The following ENAH variants were observed in gnomAD, a reference collection of about 807,000 sequenced individuals.
ENAH encodes the protein ENAH actin regulator.
In ENAH, 23 loss-of-function variants were observed where a neutral mutation model predicts 78.7. The ratio of observed to expected loss-of-function variants is 0.29; its 90% confidence interval spans 0.21 to 0.41. The LOEUF (loss-of-function observed/expected upper bound fraction) is 0.41. ENAH is among the 10% of genes least tolerant of loss of function. The pLI is 1.00. For missense variants in ENAH, 544 were observed against 691.0 expected (o/e 0.79, Z 2.39); for synonymous variants, 226 against 241.0 (o/e 0.94, Z 0.58).
At chr1:225,508,054 A>C in intron 10 of ENAH, 37 bp from the exon 11 acceptor site, 1 of 1,330,070 alleles carries the variant, frequency 7.5e-7, no homozygotes, top group East Asian at 2.4e-5. Context: ...TAAATAAATA[A>C]ATGCTTCCAG....
intron 4 of ENAH, 104 bp from the exon 5 acceptor site, chr1:225,519,669 A>C: frequency 6.8e-7 from 1 of 1,479,848 alleles, no homozygotes; most frequent in South Asian, 1.4e-5. Flanking sequence ...AAATAAAAGC[A>C]ATGTAGAGCA....
chr1:225,510,224 A>T (rs545344893), intron 10 of ENAH, among the ~76,000 whole-genome samples: 47 of 152,162 alleles, frequency 3.1e-4, no homozygotes, highest in Non-Finnish European at 6.3e-4. Context: ...CCTGTGCCTT[A>T]GTTTTTCATA....
intron 3 of ENAH, among the ~76,000 whole-genome samples, chr1:225,543,582 C>T (rs557514085): frequency 3.9e-5 from 6 of 152,300 alleles, no homozygotes; most frequent in Non-Finnish European, 7.4e-5. Context: ...ATTCATGTTA[C>T]TTACACTGCC....
At chr1:225,555,951 G>A (rs1349182951) in intron 2 of ENAH, among the ~76,000 whole-genome samples, 1 of 152,040 alleles carries the variant, frequency 6.6e-6, no homozygotes, top group African/African-American at 2.4e-5. Flanking sequence ...TAGGTTTTTG[G>A]ATTTTATATA....
At chr1:225,643,372 T>G (rs927227102) in intron 1 of ENAH, among the ~76,000 whole-genome samples, 1 of 150,686 alleles carries the variant, frequency 6.6e-6, no homozygotes, top group Non-Finnish European at 1.5e-5. Flanking sequence ...ATAGACTGGA[T>G]ACAGAAAGGT....
In ENAH at chr1:225,494,953, A is replaced by G. The variant is rs2096242388; in HGVS notation, c.*2822T>C. On this transcript the variant is annotated 3_prime_UTR_variant, in exon 14 of 14. Transcript: ENST00000366843. ...CTAAAAAGGAAGTACACCTAAAAGC[A>G]TGAGAATTCAACATTCATTAGTGTT... is the stretch of plus-strand genomic sequence containing the variant. The G allele has an allele frequency of 6.6e-6, 1 of 152,670 alleles. No homozygotes were observed. Among genetic ancestry groups the G allele is most frequent in the Non-Finnish European group, 1.5e-5 (1 of 68,034 alleles). The allele number at this position is 152,670 out of a possible 1,614,324, so 9.5% of individuals were successfully genotyped here.
chr1:225,498,830 GTATGGAGA>G (rs1299319897), intron 12 of ENAH, among the ~76,000 whole-genome samples: 13 of 152,218 alleles, frequency 8.5e-5, no homozygotes, highest in African/African-American at 3.1e-4. Context: ...TCTGAAGTAT[GTATGGAGA>G]TTTCTCAGGA....
In ENAH at chr1:225,488,211, GC is replaced by G; in HGVS notation, c.*9563del. On this transcript the variant is annotated 3_prime_UTR_variant, in exon 14 of 14. Transcript: ENST00000366843. ...ATTTATTTATTTTTTAAGGAGACAG[GC>G]CTCGCTATGTTGCCCAGGCTGGCCT... The G allele has an allele frequency of 6.6e-6, 1 of 151,838 alleles. No homozygotes were observed. Among genetic ancestry groups the G allele is most frequent in the Non-Finnish European group, 1.5e-5 (1 of 68,014 alleles). The allele number at this position is 151,838 out of a possible 1,614,324, so 9.4% of individuals were successfully genotyped here.
At chr1:225,652,581 G>A (rs533019062) in intron 1 of ENAH, 105 bp downstream of exon 1, 92 of 1,150,702 alleles carry the variant, frequency 8.0e-5, no homozygotes, top group African/African-American at 9.6e-5. Flanking sequence ...GAGACCAGGG[G>A]AGACGCGCCG....
chr1:225,519,061 G>T, intron 5 of ENAH, 137 bp downstream of exon 5: 2 of 1,288,440 alleles, frequency 1.6e-6, no homozygotes, highest in Non-Finnish European at 2.1e-6. Context: ...AGTAATTGCT[G>T]CATATTTATT....
At chr1:225,509,959 T>A (rs74428975) in intron 10 of ENAH, among the ~76,000 whole-genome samples, 6,536 of 152,304 alleles carry the variant, frequency 0.043, 227 homozygotes, top group South Asian at 0.11. Context: ...CCCTACAAAG[T>A]TGACTCAGGT....
rs982915189 is a variant in ENAH at position 225,496,684 on chromosome 1, G to C, written c.*1091C>G. ...ACATGATGTAAAAGATTAAGTACTTGGTTTTGTAACATATTTACCAATTAA... is the reference window on the plus strand; with the variant it reads ...ACATGATGTAAAAGATTAAGTACTTCGTTTTGTAACATATTTACCAATTAA... On this transcript the variant is annotated 3_prime_UTR_variant, in exon 14 of 14. Transcript: ENST00000366843. 2.0e-5 allele frequency: 3 copies of C among 152,554 alleles called. No individual in the cohort carries two copies. Among genetic ancestry groups the C allele is most frequent in the African/African-American group, 7.2e-5 (3 of 41,418 alleles). The allele number at this position is 152,554 out of a possible 1,614,324, so 9.5% of individuals were successfully genotyped here. A position where few individuals can be genotyped will look rare whatever the true frequency, so the allele number is the denominator to read the frequency against.
chr1:225,551,073 C>G (rs1264808071), intron 3 of ENAH, among the ~76,000 whole-genome samples: 1 of 152,078 alleles, frequency 6.6e-6, no homozygotes, highest in Admixed American at 6.5e-5. Flanking sequence ...AAAAATATCA[C>G]TTTAGGTAAT....
intron 1 of ENAH, among the ~76,000 whole-genome samples, chr1:225,586,771 C>T (rs1285504068): frequency 6.6e-6 from 1 of 152,118 alleles, no homozygotes; most frequent in Non-Finnish European, 1.5e-5. Context: ...CACCCGTTAT[C>T]CCAGCACTGT....
chr1:225,494,971 T>C lies in ENAH; in HGVS notation c.*2804A>G, dbSNP rs182435389. 94 of 152,768 alleles carry C rather than the reference T, an allele frequency of 6.2e-4. No individual in the cohort carries two copies. Among genetic ancestry groups the C allele is most frequent in the African/African-American group, 2.0e-3 (82 of 41,588 alleles). The allele number at this position is 152,768 out of a possible 1,614,324, so 9.5% of individuals were successfully genotyped here. On this transcript the variant is annotated 3_prime_UTR_variant, in exon 14 of 14. Coordinates refer to ENST00000366843, the MANE Select transcript of ENAH (RefSeq NM_018212.6). ...TAAAAGCATGAGAATTCAACATTCA[T>C]TAGTGTTTCATCTTCAGTTTTGATT...
chr1:225,526,041 T>G (rs573749804), intron 4 of ENAH, among the ~76,000 whole-genome samples: 29 of 152,068 alleles, frequency 1.9e-4, no homozygotes, highest in African/African-American at 7.0e-4. Flanking sequence ...AAAGGAAGAG[T>G]CTAGCAAATG....
At chr1:225,559,241 G>A (rs994040883) in intron 2 of ENAH, among the ~76,000 whole-genome samples, 1 of 152,016 alleles carries the variant, frequency 6.6e-6, no homozygotes, top group African/African-American at 2.4e-5. Flanking sequence ...ACACCTATGG[G>A]ATTCTCTATT....
intron 1 of ENAH, among the ~76,000 whole-genome samples, chr1:225,575,847 G>A (rs1046085689): frequency 6.6e-6 from 1 of 152,180 alleles, no homozygotes; most frequent in Admixed American, 6.5e-5. Flanking sequence ...CTGAAAAGTG[G>A]TGAGAGATAC....
At chr1:225,635,836 C>T (rs1014028700) in intron 1 of ENAH, among the ~76,000 whole-genome samples, 1 of 152,140 alleles carries the variant, frequency 6.6e-6, no homozygotes, top group Non-Finnish European at 1.5e-5. Flanking sequence ...AGTGATGGAC[C>T]TAGAAGCCCA....
Sources: gnomAD v4.1 joint callset for allele counts (sites outside exome capture counted in the v4.1 genomes callset) on GRCh38, gnomAD v4.1.1 for gene constraint, MANE v1.5 for transcripts, NCBI Gene and HGNC (gene_info 2026-07-23, HGNC 2026-07-21) for gene names.